UMPS: variants seen among roughly 807,000 people sequenced by gnomAD.
UMPS encodes uridine monophosphate synthetase.
UMPS carries 21 observed loss-of-function variants against 38.9 expected under a neutral mutation model. That is an observed-to-expected ratio of 0.54 (90% CI 0.38 to 0.78). The LOEUF (loss-of-function observed/expected upper bound fraction) is 0.78. Among genes scored for constraint, UMPS ranks in the 30% least tolerant of loss-of-function variants. The probability of loss-of-function intolerance (pLI) is 0.00; values close to 1 mark genes in which losing one functional copy is unlikely to be tolerated. For missense variants in UMPS, 533 were observed against 591.6 expected (o/e 0.90, Z 1.03); for synonymous variants, 208 against 219.3 (o/e 0.95, Z 0.45).
At position 124,746,566 on chromosome 3, in the gene UMPS, C is replaced by T; in HGVS notation, c.*2482C>T. ...TTTGGAGGCATTAGATAGTTTAACC[C>T]TTTCTCAGTCAAGGAATATTTACAG... On this transcript the variant is annotated 3_prime_UTR_variant, in exon 6 of 6. Coordinates refer to ENST00000232607, the MANE Select transcript of UMPS (RefSeq NM_000373.4). The T allele has an allele frequency of 2.2e-6, 1 of 454,104 alleles. No individual in the cohort carries two copies. The highest frequency in any genetic ancestry group is 1.6e-5 in the South Asian group (1 of 64,478). The allele number at this position is 454,104 out of a possible 1,614,324, so 28.1% of individuals were successfully genotyped here. A position where few individuals can be genotyped will look rare whatever the true frequency, so the allele number is the denominator to read the frequency against.
rs1471005163 is a variant in UMPS, at chr3:124,738,205, A to G, written c.948A>G (p.Ala316=). The stretch of plus-strand genomic sequence containing the variant: ...TGATATTTGAAGACCGGAAGTTTGC[A>G]GATATAGGAAACACAGTGAAAAAGC... ...EFLIFEDRKF[A]DIGNTVKKQY... Residue 316 remains alanine, a synonymous_variant, in exon 3 of 6, where the codon GCA becomes GCG. Transcript: ENST00000232607. 6.2e-7 allele frequency: 1 copy of G among 1,614,146 alleles called. No individual in the cohort carries two copies. The highest frequency in any genetic ancestry group is 1.7e-5 in the Admixed American group (1 of 60,018).
Position 124,738,139 on chromosome 3 carries a change from G to A in UMPS, c.882G>A (p.Val294=). The part of the protein sequence containing the change: ...VDILNDFTLD[V]MKELITLAKC... Reference sequence around the variant, plus strand: ...TTTTGAATGATTTTACTCTGGATGTGATGAAGGAGTTGATAACTCTGGCAA... The same window carrying A: ...TTTTGAATGATTTTACTCTGGATGTAATGAAGGAGTTGATAACTCTGGCAA... The change falls in exon 3 of 6, where the codon GTG becomes GTA. Residue 294 remains valine, a synonymous_variant. Transcript: ENST00000232607. The A allele has an allele frequency of 4.3e-6, 7 of 1,614,228 alleles. No homozygotes were observed. Among genetic ancestry groups the A allele is most frequent in the Non-Finnish European group, 5.1e-6 (6 of 1,180,048 alleles).
rs747900592 is a variant in UMPS, at chr3:124,735,046, T to G, written c.157-47T>G. 2.0e-6 allele frequency: 3 copies of G among 1,515,918 alleles called. No homozygotes were observed. In the South Asian group the frequency reaches 3.8e-5, roughly 19 times the overall value. The allele number at this position is 1,515,918 out of a possible 1,614,324, so 93.9% of individuals were successfully genotyped here. A position where few individuals can be genotyped will look rare whatever the true frequency, so the allele number is the denominator to read the frequency against. On this transcript the variant is annotated intron_variant, in intron 1 of 5. Transcript: ENST00000232607. ...AAAAAATAAAAAATATAAAATAAAATAAAATAGTTACAATAAAACATTGTT... is the reference window on the plus strand; with the variant it reads ...AAAAAATAAAAAATATAAAATAAAAGAAAATAGTTACAATAAAACATTGTT...
chr3:124,733,645 G>A (rs1371478385), intron 1 of UMPS: 4 of 173,724 alleles, frequency 2.3e-5, no homozygotes, highest in South Asian at 3.0e-4. Context: ...TGTTTTGCAC[G>A]ACGAGCTTCT....
Position 124,748,716 on chromosome 3 carries a change from TGGG to T in UMPS, c.*4636_*4638del. ...GTGTCATGTTTTTCAGCGCTGGGGT[TGGG>T]GGGAGCCCAGGAGAGCAGGAAGATC... On this transcript the variant is annotated 3_prime_UTR_variant, in exon 6 of 6. Transcript: ENST00000232607. 2.2e-6 allele frequency: 1 copy of T among 448,556 alleles called. No individual in the cohort carries two copies. Among genetic ancestry groups the T allele is most frequent in the Non-Finnish European group, 4.5e-6 (1 of 224,088 alleles). The allele number at this position is 448,556 out of a possible 1,614,324, so 27.8% of individuals were successfully genotyped here.
At chr3:124,732,281 G>T (rs1022176950) in intron 1 of UMPS, among the ~76,000 whole-genome samples, 16 of 152,220 alleles carry the variant, frequency 1.1e-4, no homozygotes, top group Admixed American at 9.8e-4. Flanking sequence ...TTGGAAAGGG[G>T]AGTTGAATTT....
At position 124,747,390 on chromosome 3, in the gene UMPS, C is replaced by T. The variant is rs2063610805; in HGVS notation, c.*3306C>T. 2.2e-6 allele frequency: 1 copy of T among 454,318 alleles called. No individual in the cohort carries two copies. The highest frequency in any genetic ancestry group is 4.4e-6 in the Non-Finnish European group (1 of 226,336). 28.1% of individuals were successfully genotyped at this position (454,318 alleles called of 1,614,324 possible). On this transcript the variant is annotated 3_prime_UTR_variant, in exon 6 of 6. Transcript: ENST00000232607. ...CTAGCTGCTAATGCTGGCCTGGGTGCAGTTCTCATCCAAAGTACCCGGTGG... is the reference window on the plus strand; with the variant it reads ...CTAGCTGCTAATGCTGGCCTGGGTGTAGTTCTCATCCAAAGTACCCGGTGG...
chr3:124,731,880 G>GAA (rs61322671), intron 1 of UMPS, among the ~76,000 whole-genome samples: 22,060 of 121,178 alleles, frequency 0.18, 2,010 homozygotes, highest in Admixed American at 0.26. Context: ...GACTGTCTCA[G>GAA]AAAAAAAAAA....
Position 124,745,772 on chromosome 3 carries a change from G to T in UMPS, c.*1688G>T. On this transcript the variant is annotated 3_prime_UTR_variant, in exon 6 of 6. Transcript: ENST00000232607. ...ACAAAAACTTGCAGGAATCTCTTAG[G>T]TGTCTTCAGTGTTGGAGTGATATGT... The T allele has an allele frequency of 2.2e-6, 1 of 453,966 alleles. No homozygotes were observed. Among genetic ancestry groups the T allele is most frequent in the Non-Finnish European group, 4.4e-6 (1 of 226,786 alleles). 28.1% of individuals were successfully genotyped at this position (453,966 alleles called of 1,614,324 possible).
At position 124,739,436 on chromosome 3, in the gene UMPS, A is replaced by T. The variant is rs555336376; in HGVS notation, c.983-588A>T. On this transcript the variant is annotated intron_variant, in intron 3 of 5. Coordinates refer to ENST00000232607, the MANE Select transcript of UMPS (RefSeq NM_000373.4). ...AACCTCCACCTCCTGGGCTCAAGTG[A>T]TCCTCCCACCTCAGCCTCCCAAGTA... 3.3e-5 allele frequency among the ~76,000 whole-genome samples: 5 copies of T among 152,238 alleles called. No homozygotes were observed. The South Asian group carries it at 8.3e-4, about 25-fold the overall frequency.
rs757654674 is a variant in UMPS at position 124,743,950 on chromosome 3, G to T, written c.1309G>T (p.Glu437Ter). ...NLGQQYNSPQ[E>*]VIGKRGSDII... Reference sequence around the variant, plus strand: ...TGGCCAACAGTACAATAGCCCACAAGAAGTTATTGGCAAACGAGGTTCCGA... The same window carrying T: ...TGGCCAACAGTACAATAGCCCACAATAAGTTATTGGCAAACGAGGTTCCGA... The change falls in exon 6 of 6, where the codon GAA (glutamate) becomes TAA (stop). Residue 437 changes from glutamate to a stop codon, truncating the protein, a stop_gained. Coordinates refer to ENST00000232607, the MANE Select transcript of UMPS (RefSeq NM_000373.4). LOFTEE classifies it high-confidence loss of function. 2 of 1,614,186 alleles carry T rather than the reference G, an allele frequency of 1.2e-6. No individual in the cohort carries two copies. The highest frequency in any genetic ancestry group is 1.1e-5 in the South Asian group (1 of 91,086).
chr3:124,746,281 A>G lies in UMPS; in HGVS notation c.*2197A>G, dbSNP rs1443804306. On this transcript the variant is annotated 3_prime_UTR_variant, in exon 6 of 6. Coordinates refer to ENST00000232607, the MANE Select transcript of UMPS (RefSeq NM_000373.4). ...AGCCCCTGCCACTTACTGAAAGTGT[A>G]GGTCCTTGTGCCCCACACCATCAGA... 11 of 453,852 alleles carry G rather than the reference A, an allele frequency of 2.4e-5. No individual in the cohort carries two copies. Among genetic ancestry groups the G allele is most frequent in the Admixed American group, 7.1e-5 (3 of 42,552 alleles). The allele number at this position is 453,852 out of a possible 1,614,324, so 28.1% of individuals were successfully genotyped here.
At chr3:124,734,709 G>A (rs2063505510) in intron 1 of UMPS, among the ~76,000 whole-genome samples, 1 of 152,066 alleles carries the variant, frequency 6.6e-6, no homozygotes, top group Non-Finnish European at 1.5e-5. Context: ...GTTGTTACAT[G>A]TTTATACACT....
chr3:124,748,912 C>T lies in UMPS; in HGVS notation c.*4828C>T, dbSNP rs758565995. 1.3e-5 allele frequency: 6 copies of T among 445,872 alleles called. No homozygotes were observed. In the East Asian group the frequency reaches 2.1e-4, roughly 16 times the overall value. 27.6% of individuals were successfully genotyped at this position (445,872 alleles called of 1,614,324 possible). A position where few individuals can be genotyped will look rare whatever the true frequency, so the allele number is the denominator to read the frequency against. The stretch of plus-strand genomic sequence containing the variant: ...GCAGACCTGGTGGGCCTGAGAGTCT[C>T]AATCGTCAGGTAAGGACAGTCAGTG... On this transcript the variant is annotated 3_prime_UTR_variant, in exon 6 of 6. Transcript: ENST00000232607.
intron 3 of UMPS, chr3:124,738,639 G>T (rs1224817429): frequency 3.5e-5 from 6 of 172,902 alleles, no homozygotes; most frequent in Admixed American, 2.3e-4. Context: ...AAGGGTATGT[G>T]CCTGGGCAAG....
At chr3:124,741,599 G>T (rs1579135094) in intron 4 of UMPS, among the ~76,000 whole-genome samples, 1 of 152,326 alleles carries the variant, frequency 6.6e-6, no homozygotes, top group East Asian at 1.9e-4. Flanking sequence ...TAGATAGTCA[G>T]TAAGCCTTGA....
chr3:124,738,342 C>A, intron 3 of UMPS, 103 bp downstream of exon 3: 1 of 1,308,512 alleles, frequency 7.6e-7, no homozygotes, highest in Non-Finnish European at 1.1e-6. Context: ...ATAGAGCAGG[C>A]TGTCAAGCGT....
chr3:124,740,282 T>C lies in UMPS; in HGVS notation c.1158+83T>C, dbSNP rs942001283. The C allele has an allele frequency of 2.8e-6, 4 of 1,408,948 alleles. No homozygotes were observed. The African/African-American group carries it at 4.3e-5, about 15-fold the overall frequency. The allele number at this position is 1,408,948 out of a possible 1,614,324, so 87.3% of individuals were successfully genotyped here. On this transcript the variant is annotated intron_variant, in intron 4 of 5. Coordinates refer to ENST00000232607, the MANE Select transcript of UMPS (RefSeq NM_000373.4). ...AGAAGATATCTCCTAATCTGGCGTT[T>C]CTGGAACCTCTGCCAAAAAAAAAAT...
chr3:124,748,724 G>A lies in UMPS; in HGVS notation c.*4640G>A, dbSNP rs951116531. On this transcript the variant is annotated 3_prime_UTR_variant, in exon 6 of 6. Transcript: ENST00000232607. ...TTTTTCAGCGCTGGGGTTGGGGGGA[G>A]CCCAGGAGAGCAGGAAGATCCAGAG... The A allele has an allele frequency of 1.8e-5, 8 of 442,236 alleles. No individual in the cohort carries two copies. Among genetic ancestry groups the A allele is most frequent in the Non-Finnish European group, 3.6e-5 (8 of 220,992 alleles). 27.4% of individuals were successfully genotyped at this position (442,236 alleles called of 1,614,324 possible).
Sources: gnomAD v4.1 joint callset for allele counts (sites outside exome capture counted in the v4.1 genomes callset) on GRCh38, gnomAD v4.1.1 for gene constraint, MANE v1.5 for transcripts, NCBI Gene and HGNC (gene_info 2026-07-23, HGNC 2026-07-21) for gene names.